The following ANKRD24 variants were observed in gnomAD, a reference collection of about 807,000 sequenced individuals.
The protein encoded by ANKRD24 is ankyrin repeat domain-containing protein 24.
A neutral mutation model predicts 127.8 loss-of-function variants in ANKRD24; 109 were observed. The observed-to-expected ratio is 0.85, with a 90% CI of 0.73 to 1.00. The LOEUF (loss-of-function observed/expected upper bound fraction) is 1.00. ANKRD24 is among the 50% of genes least tolerant of loss of function. The pLI is 0.00. For synonymous variants in ANKRD24, 743 were observed against 671.1 expected (o/e 1.11, Z -1.66); for missense variants, 1,648 against 1,570.2 (o/e 1.05, Z -0.84).
At chr19:4,223,202 G>A (rs1383469827) in intron 20 of ANKRD24, among the ~76,000 whole-genome samples, 1 of 151,000 alleles carries the variant, frequency 6.6e-6, no homozygotes, top group African/African-American at 2.4e-5. Context: ...CAAAACGCTG[G>A]GATTACAGGC....
chr19:4,198,072 C>G lies in ANKRD24; in HGVS notation c.37-1611C>G. The G allele has an allele frequency of 2.3e-6, 1 of 434,154 alleles. No individual in the cohort carries two copies. 26.9% of individuals were successfully genotyped at this position (434,154 alleles called of 1,614,324 possible). A position where few individuals can be genotyped will look rare whatever the true frequency, so the allele number is the denominator to read the frequency against. On this transcript the variant is annotated intron_variant, in intron 2 of 21. Transcript: ENST00000318934. This position sits in a 1 kb window ranked among gnomAD's most constrained non-coding sequence, Gnocchi z 6.1. Reference sequence around the variant, plus strand: ...TGCGAGGCTGCGGACGTCGCGGGCCCGGAGGCACCTGCGCGCCCTTGGCCG... The same window carrying G: ...TGCGAGGCTGCGGACGTCGCGGGCCGGGAGGCACCTGCGCGCCCTTGGCCG...
Position 4,212,594 on chromosome 19 carries a change from T to TC in ANKRD24, c.1099-3dup. 6.4e-7 allele frequency: 1 copy of TC among 1,550,518 alleles called. No homozygotes were observed. The highest frequency in any genetic ancestry group is 2.4e-5 in the East Asian group (1 of 40,906). ...GAGGCAGCTGAGCCTCCACTGCTGC[T>TC]CCCAGGTGCAAGAGCTACAGCAGTT... On this transcript the variant is annotated splice_polypyrimidine_tract_variant and splice_region_variant and intron_variant, in intron 14 of 21. Transcript: ENST00000318934.
At chr19:4,185,062 G>A (rs1967983854) in intron 1 of ANKRD24, among the ~76,000 whole-genome samples, 1 of 150,562 alleles carries the variant, frequency 6.6e-6, no homozygotes, top group African/African-American at 2.4e-5. Context: ...GTGGGTGGGT[G>A]GATGGGTGGA....
At chr19:4,197,021 T>C (rs1801005889) in intron 2 of ANKRD24, among the ~76,000 whole-genome samples, 1 of 152,134 alleles carries the variant, frequency 6.6e-6, no homozygotes, top group African/African-American at 2.4e-5. Flanking sequence ...AGTTTTATGG[T>C]GCGCTTACTG....
In ANKRD24 at chr19:4,217,633, G is replaced by C. The variant is rs1176161808; in HGVS notation, c.2473G>C (p.Ala825Pro). Reference sequence around the variant, plus strand: ...TGAGGCTCGGGCCAGCCGGCTGCTGGCGGAGGAGGAGGCGCGGGGCCTGCG... The same window carrying C: ...TGAGGCTCGGGCCAGCCGGCTGCTGCCGGAGGAGGAGGCGCGGGGCCTGCG... ...LDEARASRLL[A>P]EEEARGLRAE... The change falls in exon 18 of 22, where the codon GCG becomes CCG. Residue 825 changes from alanine to proline, a missense_variant. Physicochemically the swap from Ala to Pro is conservative, Grantham distance 27. Coordinates refer to ENST00000318934, the MANE Select transcript of ANKRD24 (RefSeq NM_001393985.1). The C allele has an allele frequency of 2.3e-6, 3 of 1,287,062 alleles. No homozygotes were observed. Among genetic ancestry groups the C allele is most frequent in the African/African-American group, 3.1e-5 (2 of 63,842 alleles). 79.7% of individuals were successfully genotyped at this position (1,287,062 alleles called of 1,614,324 possible). A position where few individuals can be genotyped will look rare whatever the true frequency, so the allele number is the denominator to read the frequency against.
intron 18 of ANKRD24, among the ~76,000 whole-genome samples, chr19:4,218,636 C>T (rs1209345639): frequency 6.6e-6 from 1 of 152,024 alleles, no homozygotes; most frequent in Non-Finnish European, 1.5e-5. Context: ...ATCCTGACCT[C>T]TTGGAATTTT....
At chr19:4,223,389 A>ATT (rs1970554200) in intron 20 of ANKRD24, among the ~76,000 whole-genome samples, 1 of 82,494 alleles carries the variant, frequency 1.2e-5, no homozygotes, top group African/African-American at 6.7e-5. Context: ...ATATATATAT[A>ATT]TATATATATA....
intron 2 of ANKRD24, among the ~76,000 whole-genome samples, chr19:4,194,776 A>ATGG (rs773089325): frequency 1.3e-5 from 2 of 152,148 alleles, no homozygotes; most frequent in African/African-American, 2.4e-5. Context: ...GGGCTAGACT[A>ATGG]TGGTGGTGGC....
intron 20 of ANKRD24, among the ~76,000 whole-genome samples, chr19:4,223,395 A>C (rs1454927588): frequency 1.7e-5 from 1 of 59,000 alleles, no homozygotes. Flanking sequence ...ATATATATAT[A>C]TATATATTTT....
intron 1 of ANKRD24, among the ~76,000 whole-genome samples, chr19:4,184,234 C>T (rs549576411): frequency 2.0e-5 from 3 of 152,144 alleles, no homozygotes; most frequent in Non-Finnish European, 4.4e-5. Flanking sequence ...TGCTCGTGGC[C>T]CAGCTGGGAG....
In ANKRD24 at chr19:4,202,021, C is replaced by A; in HGVS notation, c.344-5C>A. 2 of 1,613,704 alleles carry A rather than the reference C, an allele frequency of 1.2e-6. No individual in the cohort carries two copies. Among genetic ancestry groups the A allele is most frequent in the Non-Finnish European group, 1.7e-6 (2 of 1,179,712 alleles). On this transcript the variant is annotated splice_polypyrimidine_tract_variant and splice_region_variant and intron_variant, in intron 5 of 21. Transcript: ENST00000318934. ...AGCTCCAGTAAATCTTCTTTCCTTC[C>A]CCAGGTTACAATGCCCTCCACCTGG...
At chr19:4,192,962 A>G (rs1968464575) in intron 2 of ANKRD24, among the ~76,000 whole-genome samples, 1 of 151,720 alleles carries the variant, frequency 6.6e-6, no homozygotes, top group African/African-American at 2.4e-5. Context: ...AAAATAAAAA[A>G]TGAGAGTAAA....
In ANKRD24 at chr19:4,219,578, G is replaced by A; in HGVS notation, c.3004-13G>A. 1 of 1,598,146 alleles carries A rather than the reference G, an allele frequency of 6.3e-7. No homozygotes were observed. The highest frequency in any genetic ancestry group is 1.1e-5 in the South Asian group (1 of 90,204). The stretch of plus-strand genomic sequence containing the variant: ...TTAGTGTCCTGAGAGTCATGCGTGG[G>A]CTTGGGCCACAGGTGCAGCGTGAGG... On this transcript the variant is annotated splice_polypyrimidine_tract_variant and intron_variant, in intron 18 of 21. Transcript: ENST00000318934.
In ANKRD24 at chr19:4,200,092, G is replaced by T. The variant is rs776356949; in HGVS notation, c.264G>T (p.Leu88=). 12 of 1,593,962 alleles carry T rather than the reference G, an allele frequency of 7.5e-6. No homozygotes were observed. The highest frequency in any genetic ancestry group is 1.0e-5 in the Non-Finnish European group (12 of 1,170,170). ...TGTCTCTCACCTCCAGGTTCCACCT[G>T]GCGGCCATGCGGGGTGCGGCCAGCT... ...LDPEGKSAFH[L]AAMRGAASCL... The change falls in exon 5 of 22, where the codon CTG becomes CTT. Residue 88 remains leucine (L), a synonymous_variant. Coordinates refer to ENST00000318934, the MANE Select transcript of ANKRD24 (RefSeq NM_001393985.1).
intron 1 of ANKRD24, among the ~76,000 whole-genome samples, chr19:4,185,525 C>G (rs927809810): frequency 6.6e-6 from 1 of 152,124 alleles, no homozygotes; most frequent in Non-Finnish European, 1.5e-5. Context: ...CAGTCACACC[C>G]CTCAAAAAAC....
chr19:4,194,851 C>T lies in ANKRD24; in HGVS notation c.37-4832C>T, dbSNP rs555771888. The stretch of plus-strand genomic sequence containing the variant: ...GCAGCCAGTGGGCTTGGCCGGTGGA[C>T]CGAGTGTGGGGCAAGAGAGAGGTGT... On this transcript the variant is annotated intron_variant, in intron 2 of 21. Transcript: ENST00000318934. Among the ~76,000 whole-genome samples, 4 of 152,102 alleles carry T rather than the reference C, an allele frequency of 2.6e-5. 1 individual carries two copies. In the South Asian group the frequency reaches 8.3e-4, roughly 32 times the overall value.
intron 2 of ANKRD24, among the ~76,000 whole-genome samples, chr19:4,193,138 T>C (rs576464368): frequency 3.0e-4 from 45 of 150,550 alleles, no homozygotes; most frequent in Non-Finnish European, 5.3e-4. Context: ...CCGTATCTAC[T>C]AAAAAATACA....
rs776180245 is a variant in ANKRD24, at chr19:4,216,779, G to C, written c.1619G>C (p.Gly540Ala). 14 of 1,596,960 alleles carry C rather than the reference G, an allele frequency of 8.8e-6. No individual in the cohort carries two copies. The East Asian group carries it at 3.2e-4, about 36-fold the overall frequency. ...EVAGATATKNGPTHMELNGSV... is the reference protein window; with the variant it reads ...EVAGATATKNAPTHMELNGSV... ...GCTGGAGCCACGGCCACCAAAAACG[G>C]GCCAACCCACATGGAGCTAAATGGC... Residue 540 changes from glycine to alanine, a missense_variant, in exon 18 of 22, where the codon GGG becomes GCG. Coordinates refer to ENST00000318934, the MANE Select transcript of ANKRD24 (RefSeq NM_001393985.1).
chr19:4,183,017 T>C (rs1053785270), intron 1 of ANKRD24, among the ~76,000 whole-genome samples: 9 of 112,816 alleles, frequency 8.0e-5, no homozygotes, highest in Non-Finnish European at 1.4e-4. Context: ...CTCGCTCTGT[T>C]GCCCAGGCTG....
Sources: allele counts gnomAD v4.1 joint callset (sites outside exome capture counted in the v4.1 genomes callset), GRCh38; gene constraint gnomAD v4.1.1; non-coding constraint Gnocchi (gnomAD v3.1); transcripts MANE v1.5; gene names NCBI Gene and HGNC (gene_info 2026-07-23, HGNC 2026-07-21).